CDK14: variants seen among roughly 807,000 people sequenced by gnomAD.
CDK14 encodes the protein cyclin dependent kinase 14.
In CDK14, 34 loss-of-function variants were observed where a neutral mutation model predicts 60.7. The ratio of observed to expected loss-of-function variants is 0.56; its 90% confidence interval spans 0.43 to 0.75. CDK14 has a LOEUF of 0.75. Ranked by LOEUF, CDK14 falls within the 30% of genes least tolerant of loss-of-function variation. The pLI, the probability that CDK14 is intolerant of heterozygous loss-of-function variation, is 0.00. For synonymous variants in CDK14, 197 were observed against 203.7 expected, an observed-to-expected ratio of 0.97 and a Z score of 0.28; for missense variants, 482 against 564.1, an observed-to-expected ratio of 0.85 and a Z score of 1.47.
At chr7:90,710,536 C>T in intron 2 of CDK14, 1 of 985,272 alleles carries the variant, frequency 1.0e-6, no homozygotes. Flanking sequence ...AATACACCTG[C>T]TTTAAGTGTG....
At chr7:91,046,994 G>T (rs1346159249) in intron 11 of CDK14, among the ~76,000 whole-genome samples, 1 of 152,094 alleles carries the variant, frequency 6.6e-6, no homozygotes, top group African/African-American at 2.4e-5. Context: ...TTCTTCAGCT[G>T]CCCTAAAGAC....
At chr7:90,780,650 G>A (rs970022652) in intron 4 of CDK14, among the ~76,000 whole-genome samples, 2 of 143,334 alleles carry the variant, frequency 1.4e-5, no homozygotes, top group South Asian at 2.2e-4. Flanking sequence ...TGTTCAATAC[G>A]GTGTTTGGTT....
At chr7:90,621,916 G>C (rs186025205) in intron 2 of CDK14, among the ~76,000 whole-genome samples, 1 of 152,302 alleles carries the variant, frequency 6.6e-6, no homozygotes, top group Non-Finnish European at 1.5e-5. Context: ...ACCCAGACAC[G>C]GCCCTCACGC....
chr7:91,055,980 G>A (rs1255829285), intron 11 of CDK14, among the ~76,000 whole-genome samples: 8 of 152,120 alleles, frequency 5.3e-5, no homozygotes, highest in Admixed American at 5.2e-4. Context: ...ATTAATGCCG[G>A]CAAGTATATA....
In CDK14 at chr7:91,209,672, A is replaced by C. The variant is rs944609724; in HGVS notation, c.*2536A>C. 4 of 152,672 alleles carry C rather than the reference A, an allele frequency of 2.6e-5. No homozygotes were observed. Among genetic ancestry groups the C allele is most frequent in the African/African-American group, 4.8e-5 (2 of 41,454 alleles). 9.5% of individuals were successfully genotyped at this position (152,672 alleles called of 1,614,324 possible). On this transcript the variant is annotated 3_prime_UTR_variant, in exon 15 of 15. Coordinates refer to ENST00000380050, the MANE Select transcript of CDK14 (RefSeq NM_001287135.2). ...AAGAATAGTACAAACACCTTAGCAC[A>C]TCACTGCACACACAGTATTCTGAAA...
intron 5 of CDK14, among the ~76,000 whole-genome samples, chr7:90,859,602 A>C (rs1201173409): frequency 2.6e-5 from 4 of 152,142 alleles, no homozygotes; most frequent in Non-Finnish European, 1.5e-5. Flanking sequence ...TTCATAGCAA[A>C]GTTCATTGGA....
intron 8 of CDK14, among the ~76,000 whole-genome samples, chr7:90,951,662 T>G (rs1237123708): frequency 2.0e-5 from 3 of 152,196 alleles, no homozygotes; most frequent in Non-Finnish European, 2.9e-5. Context: ...AAGGAATAAT[T>G]AAATGTACAT....
chr7:91,081,216 A>T (rs1798474395), intron 12 of CDK14, among the ~76,000 whole-genome samples: 1 of 152,192 alleles, frequency 6.6e-6, no homozygotes, highest in East Asian at 1.9e-4. Context: ...AGAGACGTTA[A>T]TTATATTATT....
chr7:90,749,403 A>G (rs1330109786), intron 4 of CDK14, among the ~76,000 whole-genome samples: 1 of 152,046 alleles, frequency 6.6e-6, no homozygotes, highest in Non-Finnish European at 1.5e-5. Flanking sequence ...ATCCAGGTGC[A>G]GGAGGGGCCC....
Position 90,938,975 on chromosome 7 carries a change from GATTA to G in CDK14, c.827-16719_827-16716del, listed in dbSNP as rs199974922. ...TTTAACATATAGTCATAATTTCCAA[GATTA>G]ATCAGTCCACATGTACTAAATTTTA... On this transcript the variant is annotated intron_variant, in intron 8 of 14. Coordinates refer to ENST00000380050, the MANE Select transcript of CDK14 (RefSeq NM_001287135.2). Among the ~76,000 whole-genome samples the G allele has an allele frequency of 7.8e-3, 1,188 of 152,244 alleles. 18 individuals are homozygous for G. The highest frequency in any genetic ancestry group is 0.028 in the African/African-American group (1,148 of 41,546).
intron 14 of CDK14, among the ~76,000 whole-genome samples, chr7:91,125,414 A>C (rs1799911291): frequency 6.6e-6 from 1 of 152,168 alleles, no homozygotes; most frequent in Non-Finnish European, 1.5e-5. Context: ...AAAAGTTTGC[A>C]ATACTCTGAA....
At chr7:90,910,105 A>G (rs1271861953) in intron 7 of CDK14, among the ~76,000 whole-genome samples, 3 of 152,244 alleles carry the variant, frequency 2.0e-5, no homozygotes, top group Non-Finnish European at 4.4e-5. Context: ...ACTGTCAAGT[A>G]TGTCCAAAGT....
At chr7:90,826,147 A>C (rs1584016555) in intron 5 of CDK14, among the ~76,000 whole-genome samples, 2 of 152,176 alleles carry the variant, frequency 1.3e-5, no homozygotes, top group African/African-American at 4.8e-5. Flanking sequence ...CAATCAAAAA[A>C]CTTTGCAACC....
At chr7:90,901,086 G>C (rs898981924) in intron 7 of CDK14, among the ~76,000 whole-genome samples, 15 of 152,132 alleles carry the variant, frequency 9.9e-5, no homozygotes, top group African/African-American at 3.6e-4. Flanking sequence ...TAACTGGGCT[G>C]TACCTCTAGA....
At chr7:91,030,460 C>T (rs1398023646) in intron 10 of CDK14, among the ~76,000 whole-genome samples, 4 of 152,164 alleles carry the variant, frequency 2.6e-5, no homozygotes, top group Non-Finnish European at 4.4e-5. Flanking sequence ...CCATCCTGCT[C>T]TCCCTCCCAA....
intron 5 of CDK14, among the ~76,000 whole-genome samples, chr7:90,821,885 C>T (rs1392007167): frequency 6.6e-6 from 1 of 152,222 alleles, no homozygotes; most frequent in Non-Finnish European, 1.5e-5. Context: ...TGCTCTTTAG[C>T]TTCCTTGAGA....
At chr7:91,046,269 G>T (rs1378088026) in intron 11 of CDK14, among the ~76,000 whole-genome samples, 1 of 152,094 alleles carries the variant, frequency 6.6e-6, no homozygotes, top group Non-Finnish European at 1.5e-5. Context: ...AATTTAAATT[G>T]GGTTGCTGTA....
intron 2 of CDK14, among the ~76,000 whole-genome samples, chr7:90,657,532 A>G (rs1297639739): frequency 6.6e-6 from 1 of 152,128 alleles, no homozygotes; most frequent in Non-Finnish European, 1.5e-5. Flanking sequence ...TAATCTTTTG[A>G]TATTTTTCTA....
chr7:90,829,231 C>T (rs1789828330), intron 5 of CDK14, among the ~76,000 whole-genome samples: 1 of 151,986 alleles, frequency 6.6e-6, no homozygotes, highest in Non-Finnish European at 1.5e-5. Flanking sequence ...TATCATTCTC[C>T]CCCTGGCCTC....
Sources: allele counts gnomAD v4.1 joint callset (sites outside exome capture counted in the v4.1 genomes callset), GRCh38; gene constraint gnomAD v4.1.1; transcripts MANE v1.5; gene names NCBI Gene and HGNC (gene_info 2026-07-23, HGNC 2026-07-21).